Variants in C8orf34 observed in about 807,000 individuals in gnomAD.
C8orf34 encodes uncharacterized protein C8orf34.
Under a neutral mutation model 68.3 loss-of-function variants are expected in C8orf34, and 65 were observed. The observed-to-expected ratio is 0.95, with a 90% confidence interval of 0.78 to 1.17. The LOEUF (loss-of-function observed/expected upper bound fraction) is 1.17. Ranked by LOEUF, C8orf34 falls within the 50% of genes most tolerant of loss-of-function variation. The pLI is 0.00. For synonymous variants in C8orf34, 244 were observed against 241.2 expected, an observed-to-expected ratio of 1.01 and a Z score of -0.11; for missense variants, 664 against 655.4, an observed-to-expected ratio of 1.01 and a Z score of -0.14.
chr8:68,536,402 T>G (rs1815477325), intron 7 of C8orf34, among the ~76,000 whole-genome samples: 1 of 145,294 alleles, frequency 6.9e-6, no homozygotes, highest in African/African-American at 2.5e-5. Context: ...AGAAAAGATC[T>G]ATAAAAATCC....
rs573837585 is a variant in C8orf34, at chr8:68,350,138, G to A, written c.327+18799G>A. On this transcript the variant is annotated intron_variant, in intron 1 of 13. Coordinates refer to ENST00000518698, the MANE Select transcript of C8orf34 (RefSeq NM_052958.4). ...TTTCGCTCTTAATACTGCCTTAGCTGTGTCCCAGAGATTCTGGTATGTTGT... is the reference window on the plus strand; with the variant it reads ...TTTCGCTCTTAATACTGCCTTAGCTATGTCCCAGAGATTCTGGTATGTTGT... Among the ~76,000 whole-genome samples, 14 of 152,034 alleles carry A rather than the reference G, an allele frequency of 9.2e-5. No homozygotes were observed. The South Asian group carries it at 2.1e-3, about 23-fold the overall frequency.
intron 4 of C8orf34, among the ~76,000 whole-genome samples, chr8:68,480,500 G>T (rs759550599): frequency 1.1e-4 from 17 of 152,188 alleles, no homozygotes; most frequent in Non-Finnish European, 1.9e-4. Context: ...TGGGTAACAC[G>T]TAGAGGTTGG....
chr8:68,420,432 C>G (rs1276459799), intron 1 of C8orf34, among the ~76,000 whole-genome samples: 1 of 152,000 alleles, frequency 6.6e-6, no homozygotes, highest in Non-Finnish European at 1.5e-5. Flanking sequence ...TTGTTAGCAT[C>G]CACAGGTACC....
chr8:68,678,265 A>T (rs1055716337), intron 8 of C8orf34, among the ~76,000 whole-genome samples: 52 of 152,190 alleles, frequency 3.4e-4, no homozygotes, highest in African/African-American at 9.7e-5. Flanking sequence ...TCAGGAAAAC[A>T]GCAACAACTA....
chr8:68,650,720 C>A (rs2130776401), intron 8 of C8orf34, among the ~76,000 whole-genome samples: 1 of 152,206 alleles, frequency 6.6e-6, no homozygotes, highest in East Asian at 1.9e-4. Flanking sequence ...ACCTCGTGAT[C>A]CGCCCGCCTC....
chr8:68,446,222 G>A, intron 2 of C8orf34, 107 bp from the exon 3 acceptor site: 2 of 832,278 alleles, frequency 2.4e-6, no homozygotes, highest in South Asian at 1.9e-5. Flanking sequence ...TTTGATATGA[G>A]GTGACCTATA....
rs1222795583 is a variant in C8orf34 at position 68,770,276 on chromosome 8, C to T, written c.1405-6123C>T. ...GCTTCAGAAGAAAAGTTGTAACTCT[C>T]TAAGATACCATGCCTAATAATTTGC... On this transcript the variant is annotated intron_variant, in intron 10 of 13. Coordinates refer to ENST00000518698, the MANE Select transcript of C8orf34 (RefSeq NM_052958.4). Among the ~76,000 whole-genome samples, 4 of 152,164 alleles carry T rather than the reference C, an allele frequency of 2.6e-5. No homozygotes were observed. In the South Asian group the frequency reaches 6.2e-4, roughly 24 times the overall value.
At chr8:68,604,760 A>G (rs1817805135) in intron 7 of C8orf34, among the ~76,000 whole-genome samples, 1 of 152,146 alleles carries the variant, frequency 6.6e-6, no homozygotes, top group African/African-American at 2.4e-5. Context: ...AAACTAGAAA[A>G]TAACATAGTA....
intron 10 of C8orf34, among the ~76,000 whole-genome samples, chr8:68,772,881 T>C (rs530723536): frequency 5.9e-5 from 9 of 151,332 alleles, no homozygotes; most frequent in Non-Finnish European, 1.3e-4. Context: ...CCTTCCTTCC[T>C]TCCTTCCTTC....
Position 68,615,808 on chromosome 8 carries a change from A to G in C8orf34, c.1106-24568A>G, listed in dbSNP as rs569395565. ...ATCAGGATGATGCTGGCCTCATAAA[A>G]TGAGTTAGGGAGGATTCCCTCTTTT... On this transcript the variant is annotated intron_variant, in intron 7 of 13. Coordinates refer to ENST00000518698, the MANE Select transcript of C8orf34 (RefSeq NM_052958.4). Among the ~76,000 whole-genome samples the G allele has an allele frequency of 2.6e-5, 4 of 152,218 alleles. No individual in the cohort carries two copies. In the East Asian group the frequency reaches 7.7e-4, roughly 29 times the overall value.
chr8:68,642,401 T>A (rs572517334), intron 8 of C8orf34, among the ~76,000 whole-genome samples: 1 of 152,276 alleles, frequency 6.6e-6, no homozygotes, highest in African/African-American at 2.4e-5. Context: ...TAGCTAGAAT[T>A]TAAAGAAAAA....
At chr8:68,353,790 T>C (rs1013117422) in intron 1 of C8orf34, among the ~76,000 whole-genome samples, 2 of 151,736 alleles carry the variant, frequency 1.3e-5, no homozygotes, top group African/African-American at 4.8e-5. Context: ...AAGAATATAG[T>C]ATAATATCTA....
chr8:68,427,204 T>C (rs1339422001), intron 1 of C8orf34, among the ~76,000 whole-genome samples: 1 of 152,108 alleles, frequency 6.6e-6, no homozygotes, highest in African/African-American at 2.4e-5. Context: ...CCTAAAGAAA[T>C]GAAACCTCAT....
intron 7 of C8orf34, among the ~76,000 whole-genome samples, chr8:68,543,455 G>A (rs76968999): frequency 0.027 from 4,114 of 152,142 alleles, 208 homozygotes; most frequent in African/African-American, 0.093. Context: ...CATATAGTGC[G>A]TGTAGAATAA....
At chr8:68,652,794 T>A (rs1384885164) in intron 8 of C8orf34, among the ~76,000 whole-genome samples, 2 of 152,180 alleles carry the variant, frequency 1.3e-5, no homozygotes, top group Non-Finnish European at 2.9e-5. Context: ...TAGACATTTC[T>A]CCAAGGATCC....
chr8:68,800,963 C>A (rs1824311658), intron 12 of C8orf34, among the ~76,000 whole-genome samples: 1 of 152,080 alleles, frequency 6.6e-6, no homozygotes. Context: ...GAGGGATATT[C>A]AGGGAATTTA....
intron 7 of C8orf34, among the ~76,000 whole-genome samples, chr8:68,579,238 C>A (rs1816992975): frequency 6.6e-6 from 1 of 151,982 alleles, no homozygotes; most frequent in Non-Finnish European, 1.5e-5. Flanking sequence ...TCTAAAAGAC[C>A]TTTATCAAAT....
At chr8:68,368,152 A>G (rs1301003760) in intron 1 of C8orf34, among the ~76,000 whole-genome samples, 1 of 152,126 alleles carries the variant, frequency 6.6e-6, no homozygotes, top group Admixed American at 6.5e-5. Flanking sequence ...GGGAAGTTTT[A>G]CCACAGATTA....
intron 1 of C8orf34, among the ~76,000 whole-genome samples, chr8:68,384,253 A>G (rs1372743939): frequency 6.6e-6 from 1 of 152,214 alleles, no homozygotes; most frequent in African/African-American, 2.4e-5. Context: ...CTTCGAGAGT[A>G]AAATGACAGC....
Sources: gnomAD v4.1 joint callset for allele counts (sites outside exome capture counted in the v4.1 genomes callset) on GRCh38, gnomAD v4.1.1 for gene constraint, MANE v1.5 for transcripts, NCBI Gene and HGNC (gene_info 2026-07-23, HGNC 2026-07-21) for gene names.